Variants in AGBL1 observed in about 807,000 individuals in gnomAD.
AGBL1 encodes the protein cytosolic carboxypeptidase 4.
AGBL1 carries 130 observed loss-of-function variants against 118.9 expected under a neutral mutation model. That is an observed-to-expected ratio of 1.09 (90% CI 0.95 to 1.26). AGBL1 has a LOEUF of 1.26. Ranked by LOEUF, AGBL1 falls within the 50% of genes most tolerant of loss-of-function variation. AGBL1 has a pLI of 0.00. For synonymous variants in AGBL1, 555 were observed against 478.9 expected (o/e 1.16, Z -2.08); for missense variants, 1,584 against 1,298.1 (o/e 1.22, Z -3.38).
chr15:86,840,385 T>G (rs1444782128), intron 22 of AGBL1, among the ~76,000 whole-genome samples: 1 of 152,180 alleles, frequency 6.6e-6, no homozygotes, highest in Non-Finnish European at 1.5e-5. Context: ...GGACCAAGCT[T>G]AAGCTCCCAA....
At chr15:86,126,184 C>A (rs567514682) in intron 1 of AGBL1, among the ~76,000 whole-genome samples, 2 of 152,080 alleles carry the variant, frequency 1.3e-5, no homozygotes, top group Admixed American at 1.3e-4. Flanking sequence ...AATTTTATAA[C>A]CACGCCTGCT....
At chr15:86,252,071 C>T (rs192889861) in intron 7 of AGBL1, among the ~76,000 whole-genome samples, 2 of 152,322 alleles carry the variant, frequency 1.3e-5, no homozygotes, top group Admixed American at 1.3e-4. Context: ...CCCAGAGTTT[C>T]TACTTCAGTT....
At chr15:86,481,775 A>G (rs528432027) in intron 18 of AGBL1, among the ~76,000 whole-genome samples, 1 of 152,278 alleles carries the variant, frequency 6.6e-6, no homozygotes, top group East Asian at 1.9e-4. Flanking sequence ...TCTTAGAACT[A>G]GACAGAACTT....
Position 86,760,277 on chromosome 15 carries a change from C to T in AGBL1, c.3158+85841C>T, listed in dbSNP as rs545536338. On this transcript the variant is annotated intron_variant, in intron 22 of 22. Transcript: ENST00000614907. ...GGCTAATAAAACTGCAGGAACTGTA[C>T]GTTAGGGTGTCTTCCATAAATCAGC... 3.9e-5 allele frequency among the ~76,000 whole-genome samples: 6 copies of T among 152,090 alleles called. No individual in the cohort carries two copies. The East Asian group carries it at 7.8e-4, about 20-fold the overall frequency.
intron 22 of AGBL1, among the ~76,000 whole-genome samples, chr15:86,729,878 C>T (rs555539807): frequency 2.6e-5 from 4 of 152,202 alleles, no homozygotes; most frequent in Non-Finnish European, 5.9e-5. Context: ...AACTAATTTA[C>T]ATTCCCACCG....
At chr15:86,710,671 G>T (rs1482678553) in intron 22 of AGBL1, among the ~76,000 whole-genome samples, 1 of 152,272 alleles carries the variant, frequency 6.6e-6, no homozygotes, top group Non-Finnish European at 1.5e-5. Flanking sequence ...CCTTATCAGT[G>T]TTAAGCATAT....
At chr15:86,961,076 T>A (rs2080988099) in intron 23 of AGBL1, among the ~76,000 whole-genome samples, 1 of 152,018 alleles carries the variant, frequency 6.6e-6, no homozygotes. Context: ...AAAAGTAGAT[T>A]TCAAGTGTCC....
At chr15:86,203,763 C>T (rs72752169) in intron 5 of AGBL1, among the ~76,000 whole-genome samples, 19,987 of 152,102 alleles carry the variant, frequency 0.13, 1,659 homozygotes, top group Middle Eastern at 0.25. Flanking sequence ...TACTCATCTT[C>T]GTATTTCCAT....
rs184005102 is a variant in AGBL1, at chr15:86,942,995, G to A, written c.3222-44992G>A. On this transcript the variant is annotated intron_variant, in intron 23 of 24. Transcript: ENST00000441037. ...GGATCACCATCTTCTTAGCCTCACT[G>A]TTAACTGCTCAACTCCTTATTCAAT... Among the ~76,000 whole-genome samples, 157 of 152,286 alleles carry A rather than the reference G, an allele frequency of 1.0e-3. 1 individual carries two copies. The highest frequency in any genetic ancestry group is 3.0e-3 in the African/African-American group (123 of 41,548).
intron 22 of AGBL1, among the ~76,000 whole-genome samples, chr15:86,713,085 C>T (rs945186663): frequency 2.0e-5 from 3 of 152,140 alleles, no homozygotes; most frequent in South Asian, 2.1e-4. Flanking sequence ...GTCTTATTTA[C>T]ACAGGCATTA....
At chr15:86,311,095 G>C (rs142024995) in intron 17 of AGBL1, among the ~76,000 whole-genome samples, 1 of 152,174 alleles carries the variant, frequency 6.6e-6, no homozygotes, top group African/African-American at 2.4e-5. Context: ...GAAACCTTCA[G>C]GGGGAGAGAC....
At chr15:86,147,755 G>A (rs1255792575) in intron 3 of AGBL1, among the ~76,000 whole-genome samples, 1 of 152,182 alleles carries the variant, frequency 6.6e-6, no homozygotes, top group African/African-American at 2.4e-5. Context: ...GAGAGCAATG[G>A]TTCTCCCAGC....
Position 86,118,848 on chromosome 15 carries a change from A to G in AGBL1, c.52-23156A>G, listed in dbSNP as rs142434307. Among the ~76,000 whole-genome samples the G allele has an allele frequency of 2.6e-3, 393 of 152,294 alleles. 2 individuals are homozygous for G. The highest frequency in any genetic ancestry group is 8.6e-3 in the African/African-American group (357 of 41,560). ...CAATTTCTCGTCTATTGTGCGAAAA[A>G]GTGTCTCTTGGCATAAGCATAATAA... On this transcript the variant is annotated intron_variant, in intron 1 of 22. Coordinates refer to ENST00000614907, the MANE Select transcript of AGBL1 (RefSeq NM_001386094.1).
intron 19 of AGBL1, among the ~76,000 whole-genome samples, chr15:86,538,762 G>T (rs945888939): frequency 6.6e-6 from 1 of 152,254 alleles, no homozygotes; most frequent in Non-Finnish European, 1.5e-5. Context: ...AAGCACAGCA[G>T]TTTACATTGG....
rs560669118 is a variant in AGBL1 at position 86,684,612 on chromosome 15, C to T, written c.3158+10176C>T. ...CTGGGATTACAGATGTGAGCCACCA[C>T]ACCTGACCCGTAGCATAGTTTAGAT... On this transcript the variant is annotated intron_variant, in intron 22 of 22. Transcript: ENST00000614907. Among the ~76,000 whole-genome samples the T allele has an allele frequency of 2.1e-4, 32 of 152,154 alleles. No homozygotes were observed. The South Asian group carries it at 4.8e-3, about 23-fold the overall frequency.
At chr15:87,024,368 A>T (rs2081702572) in intron 24 of AGBL1, among the ~76,000 whole-genome samples, 1 of 152,066 alleles carries the variant, frequency 6.6e-6, no homozygotes, top group Non-Finnish European at 1.5e-5. Flanking sequence ...TGCATAAATT[A>T]GAAACCTAGA....
intron 18 of AGBL1, among the ~76,000 whole-genome samples, chr15:86,410,791 G>C (rs528496001): frequency 2.4e-4 from 23 of 94,672 alleles, no homozygotes; most frequent in African/African-American, 9.0e-4. Flanking sequence ...CAGAGGAAGA[G>C]ACAAGGTCAA....
chr15:86,630,917 A>T (rs2084952735), intron 21 of AGBL1: 1 of 159,582 alleles, frequency 6.3e-6, no homozygotes, highest in South Asian at 2.0e-4. Flanking sequence ...GGTGTGGAGC[A>T]ACGTGCTATT....
chr15:86,215,432 C>G (rs1344995944), intron 5 of AGBL1, among the ~76,000 whole-genome samples: 2 of 152,106 alleles, frequency 1.3e-5, no homozygotes, highest in East Asian at 3.9e-4. Context: ...GCTGCAACAA[C>G]CCCTTGTCCC....
Sources: gnomAD v4.1 joint callset for allele counts (sites outside exome capture counted in the v4.1 genomes callset) on GRCh38, gnomAD v4.1.1 for gene constraint, MANE v1.5 for transcripts, NCBI Gene and HGNC (gene_info 2026-07-23, HGNC 2026-07-21) for gene names.